TTC7B: variants seen among roughly 807,000 people sequenced by gnomAD.
TTC7B encodes tetratricopeptide repeat protein 7B.
Under a neutral mutation model 106.8 loss-of-function variants are expected in TTC7B, and 28 were observed. That is an observed-to-expected ratio of 0.26 (90% CI 0.19 to 0.36). The LOEUF (loss-of-function observed/expected upper bound fraction) is 0.36, where lower values mean the gene tolerates loss of function less well. Ranked by LOEUF, TTC7B falls within the 10% of genes least tolerant of loss-of-function variation. The probability of loss-of-function intolerance (pLI) is 1.00; values close to 1 mark genes in which losing one functional copy is unlikely to be tolerated. For synonymous variants in TTC7B, 405 were observed against 430.6 expected, an observed-to-expected ratio of 0.94 and a Z score of 0.74; for missense variants, 862 against 1,076.4, an observed-to-expected ratio of 0.80 and a Z score of 2.79.
chr14:90,736,661 G>A (rs1365654552), intron 4 of TTC7B, among the ~76,000 whole-genome samples: 1 of 151,948 alleles, frequency 6.6e-6, no homozygotes, highest in Non-Finnish European at 1.5e-5. Flanking sequence ...AAGGCAGGAG[G>A]ATTGCTTGAA....
chr14:90,724,672 G>A (rs1325670852), intron 5 of TTC7B, among the ~76,000 whole-genome samples: 1 of 152,188 alleles, frequency 6.6e-6, no homozygotes, highest in African/African-American at 2.4e-5. Context: ...CATAAGCCAA[G>A]CAGATGTCAG....
Position 90,802,418 on chromosome 14 carries a change from G to C in TTC7B, c.121+13757C>G, listed in dbSNP as rs542729480. Among the ~76,000 whole-genome samples the C allele has an allele frequency of 2.5e-3, 388 of 152,310 alleles. No homozygotes were observed. The highest frequency in any genetic ancestry group is 4.1e-3 in the Non-Finnish European group (281 of 68,030). ...AGAACGGAAGGGATTCTGAGCACAG[G>C]TGAAGGAGCCGCTGGCCTCTGAAGG... On this transcript the variant is annotated intron_variant, in intron 1 of 19. Transcript: ENST00000328459. The surrounding 1 kb of genome is among the most constrained non-coding windows in gnomAD (Gnocchi z 4.7).
In TTC7B at chr14:90,525,566, A is replaced by G. The variant is rs1448010204; in HGVS notation, c.*15802T>C. 6.6e-6 allele frequency: 1 copy of G among 150,932 alleles called. No individual in the cohort carries two copies. Among genetic ancestry groups the G allele is most frequent in the Non-Finnish European group, 1.5e-5 (1 of 67,814 alleles). The allele number at this position is 150,932 out of a possible 1,614,324, so 9.3% of individuals were successfully genotyped here. On this transcript the variant is annotated 3_prime_UTR_variant, in exon 20 of 20. Coordinates refer to ENST00000328459, the MANE Select transcript of TTC7B (RefSeq NM_001010854.2). ...TCCGGTCACCGAACGGGACGGCGGG[A>G]TGGCGGGGTCGATCTGTGCAGACGC...
chr14:90,557,944 C>T (rs920498057), intron 19 of TTC7B, among the ~76,000 whole-genome samples: 14 of 152,356 alleles, frequency 9.2e-5, no homozygotes, highest in African/African-American at 1.2e-4. Flanking sequence ...TGAAGACAGG[C>T]GCTCATCGCT....
chr14:90,677,047 G>A (rs1003180755), intron 8 of TTC7B, among the ~76,000 whole-genome samples: 11 of 152,156 alleles, frequency 7.2e-5, no homozygotes, highest in Admixed American at 1.3e-4. Context: ...CACCTCACTC[G>A]TGAATCCTGC....
chr14:90,758,407 C>T (rs1019142302), intron 3 of TTC7B, among the ~76,000 whole-genome samples: 2 of 75,014 alleles, frequency 2.7e-5, no homozygotes, highest in Non-Finnish European at 5.1e-5. Context: ...TGGGGCGGGG[C>T]GGGGTCGGGG....
At chr14:90,785,048 C>T (rs1891340364) in intron 2 of TTC7B, among the ~76,000 whole-genome samples, 1 of 152,176 alleles carries the variant, frequency 6.6e-6, no homozygotes, top group African/African-American at 2.4e-5. Context: ...AAATTGAAAG[C>T]TCACAGGCTT....
intron 3 of TTC7B, among the ~76,000 whole-genome samples, chr14:90,752,671 T>A (rs1890172110): frequency 6.6e-6 from 1 of 152,326 alleles, no homozygotes; most frequent in African/African-American, 2.4e-5. Context: ...CAGGCACTAT[T>A]TCTAATTCCC....
chr14:90,798,136 T>C (rs776644749), intron 1 of TTC7B, among the ~76,000 whole-genome samples: 8 of 152,102 alleles, frequency 5.3e-5, no homozygotes, highest in Non-Finnish European at 1.2e-4. Context: ...GGCCAGCCCA[T>C]ACCTAGCCCA....
chr14:90,625,890 A>G (rs978697086), intron 15 of TTC7B, among the ~76,000 whole-genome samples: 2 of 152,226 alleles, frequency 1.3e-5, no homozygotes, highest in African/African-American at 4.8e-5. Context: ...TAGAAAACAT[A>G]TAGATGTTTC....
chr14:90,780,397 GAGAAAGAAACAGAGAA>G (rs1400374832), intron 3 of TTC7B, among the ~76,000 whole-genome samples: 1 of 133,846 alleles, frequency 7.5e-6, no homozygotes, highest in African/African-American at 3.0e-5. Context: ...AAAAGAAAGA[GAGAAAGAAACAGAGAA>G]AGAAAGAAAG....
At chr14:90,773,812 G>A (rs1323789582) in intron 3 of TTC7B, among the ~76,000 whole-genome samples, 1 of 152,150 alleles carries the variant, frequency 6.6e-6, no homozygotes, top group Non-Finnish European at 1.5e-5. Context: ...CACCCCTGGA[G>A]GCTGCTCTTC....
intron 3 of TTC7B, among the ~76,000 whole-genome samples, chr14:90,764,992 C>CA (rs1595358074): frequency 6.6e-6 from 1 of 152,014 alleles, no homozygotes; most frequent in East Asian, 1.9e-4. Flanking sequence ...TTATGTTCAC[C>CA]AAAAAACCTG....
chr14:90,684,119 G>C (rs1011400009), intron 7 of TTC7B, among the ~76,000 whole-genome samples: 1 of 148,834 alleles, frequency 6.7e-6, no homozygotes, highest in Non-Finnish European at 1.5e-5. Context: ...TACCTTTTCC[G>C]CCGAGACCTA....
intron 15 of TTC7B, among the ~76,000 whole-genome samples, chr14:90,628,182 T>C (rs1027184626): frequency 2.6e-5 from 4 of 152,216 alleles, no homozygotes; most frequent in Admixed American, 2.6e-4. Context: ...CAAATAGCCA[T>C]CTGCTAAGTA....
rs1016220794 is a variant in TTC7B, at chr14:90,742,435, G to C, written c.576+2357C>G. 6.6e-6 allele frequency among the ~76,000 whole-genome samples: 1 copy of C among 151,732 alleles called. No homozygotes were observed. Among genetic ancestry groups the C allele is most frequent in the Non-Finnish European group, 1.5e-5 (1 of 67,964 alleles). On this transcript the variant is annotated intron_variant, in intron 4 of 19. Coordinates refer to ENST00000328459, the MANE Select transcript of TTC7B (RefSeq NM_001010854.2). The surrounding 1 kb of genome is among the most constrained non-coding windows in gnomAD (Gnocchi z 4.1). ...TGGCCTCAGGTGATCCTCCTGTCTCGGCCTCTCAAAGTGCTGGGATTACAG... is the reference window on the plus strand; with the variant it reads ...TGGCCTCAGGTGATCCTCCTGTCTCCGCCTCTCAAAGTGCTGGGATTACAG...
intron 3 of TTC7B, among the ~76,000 whole-genome samples, chr14:90,747,756 T>C (rs936076684): frequency 5.3e-4 from 81 of 152,224 alleles, no homozygotes; most frequent in Non-Finnish European, 7.3e-5. Flanking sequence ...TGCATTTGCC[T>C]ATTTCTCCTT....
At chr14:90,764,443 A>C (rs1308355873) in intron 3 of TTC7B, among the ~76,000 whole-genome samples, 2 of 152,140 alleles carry the variant, frequency 1.3e-5, no homozygotes, top group Non-Finnish European at 2.9e-5. Flanking sequence ...AAAAATAATA[A>C]AAGAAAAAAA....
intron 5 of TTC7B, among the ~76,000 whole-genome samples, chr14:90,701,017 A>G (rs933553442): frequency 1.3e-5 from 2 of 151,754 alleles, no homozygotes; most frequent in Admixed American, 6.6e-5. Flanking sequence ...CTCATATCCA[A>G]TGACACGCAT....
Sources: allele counts gnomAD v4.1 joint callset (sites outside exome capture counted in the v4.1 genomes callset), GRCh38; gene constraint gnomAD v4.1.1; non-coding constraint Gnocchi (gnomAD v3.1); transcripts MANE v1.5; gene names NCBI Gene and HGNC (gene_info 2026-07-23, HGNC 2026-07-21).